CAMK2D: variants seen among roughly 807,000 people sequenced by gnomAD.
CAMK2D encodes the protein calcium/calmodulin dependent protein kinase II delta.
In CAMK2D, 37 loss-of-function variants were observed where a neutral mutation model predicts 84.0. That is an observed-to-expected ratio of 0.44 (90% confidence interval 0.34 to 0.58). The LOEUF (loss-of-function observed/expected upper bound fraction) is 0.58, where lower values mean the gene tolerates loss of function less well. Among genes scored for constraint, CAMK2D ranks in the 20% least tolerant of loss-of-function variants. The pLI is 0.02. For synonymous variants in CAMK2D, 202 were observed against 212.5 expected, an observed-to-expected ratio of 0.95 and a Z score of 0.43; for missense variants, 448 against 652.5, an observed-to-expected ratio of 0.69 and a Z score of 3.41.
chr4:113,582,392 C>G (rs775893204), intron 4 of CAMK2D, among the ~76,000 whole-genome samples: 1 of 152,202 alleles, frequency 6.6e-6, no homozygotes, highest in African/African-American at 2.4e-5. Context: ...GTACAATTTA[C>G]ATATAGCAAA....
chr4:113,668,947 G>C (rs1315459957), intron 2 of CAMK2D, among the ~76,000 whole-genome samples: 6 of 152,094 alleles, frequency 3.9e-5, no homozygotes, highest in African/African-American at 1.2e-4. Context: ...AGAGGGAGCT[G>C]CTGTATAATA....
chr4:113,646,315 C>CT (rs964889130), intron 3 of CAMK2D, among the ~76,000 whole-genome samples: 8 of 152,232 alleles, frequency 5.3e-5, no homozygotes, highest in Admixed American at 2.0e-4. Context: ...ACGGCAGGTG[C>CT]TTTTTTAGGT....
At chr4:113,501,399 T>C (rs537252788) in intron 15 of CAMK2D, among the ~76,000 whole-genome samples, 2 of 152,234 alleles carry the variant, frequency 1.3e-5, no homozygotes, top group South Asian at 4.1e-4. Flanking sequence ...CATAGTTTTC[T>C]ACTTGGAATG....
intron 3 of CAMK2D, among the ~76,000 whole-genome samples, chr4:113,630,230 A>G (rs2099084061): frequency 6.6e-6 from 1 of 152,218 alleles, no homozygotes; most frequent in South Asian, 2.1e-4. Context: ...AAATGCCTTG[A>G]GAAACATTAT....
chr4:113,674,721 G>C (rs1328832081), intron 2 of CAMK2D, among the ~76,000 whole-genome samples: 1 of 152,056 alleles, frequency 6.6e-6, no homozygotes, highest in Non-Finnish European at 1.5e-5. Flanking sequence ...TTTCTGACTT[G>C]TGTTAATCCA....
intron 16 of CAMK2D, among the ~76,000 whole-genome samples, chr4:113,491,932 G>C (rs2097849701): frequency 6.6e-6 from 1 of 152,178 alleles, no homozygotes; most frequent in Admixed American, 6.5e-5. Context: ...TTTGCGTAGA[G>C]CTGTTTGTAG....
intron 2 of CAMK2D, among the ~76,000 whole-genome samples, chr4:113,705,994 T>C (rs1322974656): frequency 6.6e-6 from 1 of 152,132 alleles, no homozygotes; most frequent in Non-Finnish European, 1.5e-5. Context: ...GTGTGTCTCA[T>C]GTTAAGATCA....
intron 2 of CAMK2D, among the ~76,000 whole-genome samples, chr4:113,740,181 C>T (rs1029488395): frequency 1.3e-5 from 2 of 152,002 alleles, no homozygotes; most frequent in Non-Finnish European, 2.9e-5. Context: ...TAAAAACTTA[C>T]GTCTACACAA....
At chr4:113,478,447 C>G (rs951919098) in intron 16 of CAMK2D, among the ~76,000 whole-genome samples, 3 of 152,102 alleles carry the variant, frequency 2.0e-5, no homozygotes, top group East Asian at 1.9e-4. Flanking sequence ...ATTTAAATAG[C>G]CCTAAGTTCC....
At chr4:113,637,708 T>C (rs57109326) in intron 3 of CAMK2D, among the ~76,000 whole-genome samples, 34,279 of 152,004 alleles carry the variant, frequency 0.23, 4,104 homozygotes, top group East Asian at 0.33. Flanking sequence ...TAAATTTCTA[T>C]AAAATATCTA....
intron 2 of CAMK2D, among the ~76,000 whole-genome samples, chr4:113,668,028 A>C (rs964734244): frequency 1.3e-5 from 2 of 152,288 alleles, no homozygotes; most frequent in African/African-American, 4.8e-5. Context: ...AAGCTCATAC[A>C]AATGTAGATT....
intron 4 of CAMK2D, among the ~76,000 whole-genome samples, chr4:113,567,590 T>C: frequency 6.6e-6 from 1 of 152,342 alleles, no homozygotes; most frequent in East Asian, 1.9e-4. Flanking sequence ...AATAGTCTGA[T>C]TTTTCAGGTA....
chr4:113,566,513 G>A (rs993189686), intron 4 of CAMK2D, among the ~76,000 whole-genome samples: 1 of 152,028 alleles, frequency 6.6e-6, no homozygotes, highest in Non-Finnish European at 1.5e-5. Flanking sequence ...TCATATTTCC[G>A]ATCTTTAAAT....
chr4:113,574,699 G>A (rs930725008), intron 4 of CAMK2D, among the ~76,000 whole-genome samples: 1 of 152,178 alleles, frequency 6.6e-6, no homozygotes, highest in Non-Finnish European at 1.5e-5. Flanking sequence ...GTTAGATTTT[G>A]ACTAAAGTGC....
At position 113,457,493 on chromosome 4, in the gene CAMK2D, A is replaced by G; in HGVS notation, c.1377T>C (p.Asp459=). ...LNPHVHLVGD[D]AACIAYIRLT... is the part of the protein sequence containing the mutation. ...GCCTAATATATGCTATGCAGGCGGC[A>G]TCATCCCCTACCAGATGTACATGAG... The change falls in exon 19 of 21, where the codon GAT becomes GAC. Residue 459 remains aspartate, a synonymous_variant. Transcript: ENST00000511664. 6.2e-7 allele frequency: 1 copy of G among 1,613,592 alleles called. No individual in the cohort carries two copies. Among genetic ancestry groups the G allele is most frequent in the Admixed American group, 1.7e-5 (1 of 60,000 alleles).
intron 15 of CAMK2D, among the ~76,000 whole-genome samples, chr4:113,501,780 C>T (rs2098050154): frequency 6.6e-6 from 1 of 152,060 alleles, no homozygotes; most frequent in African/African-American, 2.4e-5. Flanking sequence ...GCTAGAACTA[C>T]TGAAGTGTCC....
chr4:113,571,589 C>T (rs535095194), intron 4 of CAMK2D, among the ~76,000 whole-genome samples: 1 of 152,126 alleles, frequency 6.6e-6, no homozygotes. Context: ...AAAAGTCAAA[C>T]TCGGCTGGGC....
chr4:113,492,381 G>T (rs894284465), intron 16 of CAMK2D, among the ~76,000 whole-genome samples: 18 of 152,206 alleles, frequency 1.2e-4, no homozygotes, highest in Admixed American at 1.2e-3. Flanking sequence ...CTTTATTTCT[G>T]CCTTCATTTC....
At chr4:113,514,202 C>T (rs2098255047) in intron 10 of CAMK2D, among the ~76,000 whole-genome samples, 1 of 152,190 alleles carries the variant, frequency 6.6e-6, no homozygotes, top group Non-Finnish European at 1.5e-5. Context: ...ATCACGAGGT[C>T]AGGAGTTTGA....
Sources: gnomAD v4.1 joint callset for allele counts (sites outside exome capture counted in the v4.1 genomes callset) on GRCh38, gnomAD v4.1.1 for gene constraint, MANE v1.5 for transcripts, NCBI Gene and HGNC (gene_info 2026-07-23, HGNC 2026-07-21) for gene names.